Variants in UGT1A8 observed in about 807,000 individuals in gnomAD.
The protein encoded by UGT1A8 is UDP glucuronosyltransferase family 1 member A8.
In UGT1A8, 39 loss-of-function variants were observed where a neutral mutation model predicts 45.3. That is an observed-to-expected ratio of 0.86 (90% confidence interval 0.67 to 1.12). The LOEUF (loss-of-function observed/expected upper bound fraction) is 1.12. Ranked by LOEUF, UGT1A8 falls within the 50% of genes most tolerant of loss-of-function variation. The probability of loss-of-function intolerance (pLI) is 0.00; values close to 1 mark genes in which losing one functional copy is unlikely to be tolerated. For synonymous variants in UGT1A8, 275 were observed against 249.2 expected, an observed-to-expected ratio of 1.10 and a Z score of -0.97; for missense variants, 719 against 664.9, an observed-to-expected ratio of 1.08 and a Z score of -0.90.
chr2:233,656,163 G>A (rs1448110087), intron 1 of UGT1A8, among the ~76,000 whole-genome samples: 2 of 152,156 alleles, frequency 1.3e-5, no homozygotes, highest in African/African-American at 4.8e-5. Flanking sequence ...TGACTCATGC[G>A]TATTGAACAC....
chr2:233,622,561 C>T (rs1175729824), intron 1 of UGT1A8, among the ~76,000 whole-genome samples: 2 of 152,154 alleles, frequency 1.3e-5, no homozygotes, highest in Non-Finnish European at 2.9e-5. Flanking sequence ...ATCCTTTGCC[C>T]ACTTTTGATG....
Position 233,618,934 on chromosome 2 carries a change from T to C in UGT1A8, c.855+372T>C, listed in dbSNP as rs28969671. Reference sequence around the variant, plus strand: ...TACATTCTTTTCATTAAAAAAAGTATTTTAGGTGTATATATTTAATTTAAA... The same window carrying C: ...TACATTCTTTTCATTAAAAAAAGTACTTTAGGTGTATATATTTAATTTAAA... On this transcript the variant is annotated intron_variant, in intron 1 of 4. Transcript: ENST00000373450. 4.2e-4 allele frequency among the ~76,000 whole-genome samples: 64 copies of C among 152,256 alleles called. No individual in the cohort carries two copies. The East Asian group carries it at 0.012, about 28-fold the overall frequency.
Position 233,665,371 on chromosome 2 carries a change from G to A in UGT1A8, c.855+46809G>A, listed in dbSNP as rs56143032. On this transcript the variant is annotated intron_variant, in intron 1 of 4. Transcript: ENST00000373450. ...TTTACATTACTATATTTCCATATTC[G>A]TAGCCTCTGATGAATTCTTCATCAT... is the stretch of plus-strand genomic sequence containing the variant. Among the ~76,000 whole-genome samples, 277 of 151,984 alleles carry A rather than the reference G, an allele frequency of 1.8e-3. 2 individuals carry two copies. Among genetic ancestry groups the A allele is most frequent in the African/African-American group, 6.4e-3 (264 of 41,460 alleles).
rs565015143 is a variant in UGT1A8, at chr2:233,688,003, C to A, written c.855+69441C>A. 1.2e-3 allele frequency among the ~76,000 whole-genome samples: 176 copies of A among 152,312 alleles called. 1 individual carries two copies. The highest frequency in any genetic ancestry group is 4.1e-3 in the African/African-American group (171 of 41,580). On this transcript the variant is annotated intron_variant, in intron 1 of 4. Coordinates refer to ENST00000373450, the MANE Select transcript of UGT1A8 (RefSeq NM_019076.5). The stretch of plus-strand genomic sequence containing the variant: ...AATTCAGTGGTTTTCTGTGTGCTCC[C>A]AGATACAATCAACCATCACCAATAT...
chr2:233,663,854 A>G (rs2074022905), intron 1 of UGT1A8, among the ~76,000 whole-genome samples: 1 of 152,060 alleles, frequency 6.6e-6, no homozygotes, highest in Non-Finnish European at 1.5e-5. Flanking sequence ...TTCATTTGCA[A>G]CCACCATTCC....
intron 1 of UGT1A8, among the ~76,000 whole-genome samples, chr2:233,658,828 T>C (rs2073907888): frequency 6.6e-6 from 1 of 152,242 alleles, no homozygotes; most frequent in South Asian, 2.1e-4. Context: ...GTTCCATTGA[T>C]CCAGTTGTGA....
intron 1 of UGT1A8, among the ~76,000 whole-genome samples, chr2:233,733,320 C>T (rs2078379887): frequency 6.6e-6 from 1 of 152,134 alleles, no homozygotes; most frequent in African/African-American, 2.4e-5. Flanking sequence ...TGCCTGATTG[C>T]CCTGGCCAGA....
chr2:233,672,183 G>T, intron 1 of UGT1A8: 1 of 1,614,182 alleles, frequency 6.2e-7, no homozygotes. Context: ...CATATACCCT[G>T]GAGGATCTGG....
intron 1 of UGT1A8, among the ~76,000 whole-genome samples, chr2:233,719,941 G>A (rs958273731): frequency 6.6e-6 from 1 of 152,192 alleles, no homozygotes; most frequent in African/African-American, 2.4e-5. Flanking sequence ...TGTTTGTAAA[G>A]GCACCATCTT....
chr2:233,767,889 C>T lies in UGT1A8; in HGVS notation c.1028C>T (p.Ala343Val), dbSNP rs201372184. The change falls in exon 3 of 5, where the codon GCG becomes GTG. Residue 343 changes from alanine (A) to valine (V), a missense_variant. Ala to Val is a moderately conservative substitution (Grantham distance 64). Transcript: ENST00000373450. The part of the protein sequence containing the change: ...RYTGTRPSNL[A>V]NNTILVKWLP... Reference sequence around the variant, plus strand: ...ACTGGAACCCGACCATCGAATCTTGCGAACAACACGATACTTGTTAAGTGG... The same window carrying T: ...ACTGGAACCCGACCATCGAATCTTGTGAACAACACGATACTTGTTAAGTGG... 8.3e-5 allele frequency: 134 copies of T among 1,614,018 alleles called. No homozygotes were observed. Among genetic ancestry groups the T allele is most frequent in the Middle Eastern group, 1.6e-4 (1 of 6,084 alleles).
At position 233,730,729 on chromosome 2, in the gene UGT1A8, C is replaced by T. The variant is rs45468195; in HGVS notation, c.856-36305C>T. ...GAATGCTGAAATTATCAAGAAATGG[C>T]GGAAGGGGCTAGGGAGGAGATAAGA... On this transcript the variant is annotated intron_variant, in intron 1 of 4. Transcript: ENST00000373450. Among the ~76,000 whole-genome samples the T allele has an allele frequency of 9.2e-3, 1,399 of 152,090 alleles. 32 individuals carry two copies. The highest frequency in any genetic ancestry group is 0.032 in the African/African-American group (1,309 of 41,466).
intron 1 of UGT1A8, among the ~76,000 whole-genome samples, chr2:233,765,312 TTTA>T (rs1273770554): frequency 2.0e-5 from 3 of 152,204 alleles, no homozygotes; most frequent in African/African-American, 7.2e-5. Flanking sequence ...CACATATTTG[TTTA>T]TTGCAGCACT....
intron 1 of UGT1A8, among the ~76,000 whole-genome samples, chr2:233,683,344 G>A (rs2074629666): frequency 6.6e-6 from 1 of 152,064 alleles, no homozygotes; most frequent in South Asian, 2.1e-4. Context: ...TTGCATGGTA[G>A]TCTTTACTTT....
intron 1 of UGT1A8, among the ~76,000 whole-genome samples, chr2:233,717,462 T>A (rs1357156698): frequency 6.6e-6 from 1 of 152,152 alleles, no homozygotes; most frequent in Non-Finnish European, 1.5e-5. Flanking sequence ...GCCTGTCCCA[T>A]GGGTTGTGTC....
intron 1 of UGT1A8, among the ~76,000 whole-genome samples, chr2:233,638,970 A>G (rs1228177166): frequency 1.3e-5 from 2 of 152,196 alleles, no homozygotes; most frequent in African/African-American, 2.4e-5. Context: ...TCCATTAATT[A>G]CAGTACCAAG....
At chr2:233,714,045 A>G (rs963415304) in intron 1 of UGT1A8, among the ~76,000 whole-genome samples, 1 of 152,156 alleles carries the variant, frequency 6.6e-6, no homozygotes, top group Non-Finnish European at 1.5e-5. Context: ...CAGGGTTTCA[A>G]TGGCCACTGA....
chr2:233,663,789 AG>A (rs1226679036), intron 1 of UGT1A8, among the ~76,000 whole-genome samples: 1 of 152,178 alleles, frequency 6.6e-6, no homozygotes, highest in Non-Finnish European at 1.5e-5. Context: ...AGCAAGATGG[AG>A]TCAGTTAAGT....
At chr2:233,675,790 A>G (rs962159781) in intron 1 of UGT1A8, among the ~76,000 whole-genome samples, 5 of 152,218 alleles carry the variant, frequency 3.3e-5, no homozygotes, top group Admixed American at 6.5e-5. Context: ...ATAAATTTGT[A>G]TGTTTTTAAA....
At chr2:233,688,960 T>G (rs1400974690) in intron 1 of UGT1A8, among the ~76,000 whole-genome samples, 3 of 152,174 alleles carry the variant, frequency 2.0e-5, no homozygotes, top group Admixed American at 2.0e-4. Flanking sequence ...ATGTTTGGAA[T>G]CATAGCATGT....
Sources: allele counts gnomAD v4.1 joint callset (sites outside exome capture counted in the v4.1 genomes callset), GRCh38; gene constraint gnomAD v4.1.1; transcripts MANE v1.5; gene names NCBI Gene and HGNC (gene_info 2026-07-23, HGNC 2026-07-21).